Variants in RFTN2 observed in about 807,000 individuals in gnomAD.
RFTN2 encodes the protein raftlin-2.
A neutral mutation model predicts 52.7 loss-of-function variants in RFTN2; 34 were observed. The ratio of observed to expected loss-of-function variants is 0.64; its 90% CI spans 0.49 to 0.86. The LOEUF (loss-of-function observed/expected upper bound fraction) is 0.86, where lower values mean the gene tolerates loss of function less well. RFTN2 is among the 40% of genes least tolerant of loss of function. The probability of loss-of-function intolerance (pLI) is 0.00; values close to 1 mark genes in which losing one functional copy is unlikely to be tolerated. For missense variants in RFTN2, 536 were observed against 600.1 expected (o/e 0.89, Z 1.12); for synonymous variants, 203 against 217.7 (o/e 0.93, Z 0.59).
At chr2:197,577,598 G>A (rs1293587527) in intron 8 of RFTN2, among the ~76,000 whole-genome samples, 5 of 152,194 alleles carry the variant, frequency 3.3e-5, no homozygotes, top group South Asian at 2.1e-4. Context: ...CTTCAGATAC[G>A]GCTGATGAAC....
At chr2:197,576,971 C>T (rs1308877461) in intron 8 of RFTN2, among the ~76,000 whole-genome samples, 4 of 152,232 alleles carry the variant, frequency 2.6e-5, no homozygotes, top group Non-Finnish European at 4.4e-5. Context: ...AAATTTACCC[C>T]TCTGCTCACT....
chr2:197,600,172 T>A (rs116007901), intron 7 of RFTN2, among the ~76,000 whole-genome samples: 125 of 152,288 alleles, frequency 8.2e-4, no homozygotes, highest in African/African-American at 3.0e-3. Flanking sequence ...GCACGAGCTT[T>A]AAAACTGTTC....
intron 7 of RFTN2, among the ~76,000 whole-genome samples, chr2:197,614,943 C>A (rs998332070): frequency 6.6e-6 from 1 of 152,184 alleles, no homozygotes; most frequent in Non-Finnish European, 1.5e-5. Flanking sequence ...AATTGCTTTG[C>A]TTACTTCAAA....
Position 197,646,560 on chromosome 2 carries a change from A to T in RFTN2, c.246T>A (p.Val82=), listed in dbSNP as rs892725744. 12 of 1,613,852 alleles carry T rather than the reference A, an allele frequency of 7.4e-6. No individual in the cohort carries two copies. Among genetic ancestry groups the T allele is most frequent in the Non-Finnish European group, 1.0e-5 (12 of 1,179,722 alleles). The change falls in exon 2 of 9, where the codon GTT becomes GTA. Residue 82 remains valine, a synonymous_variant. Coordinates refer to ENST00000295049, the MANE Select transcript of RFTN2 (RefSeq NM_144629.3). ...GTTTTCGCTGCCCCACAGGTTGTAT[A>T]ACAGGATGAATAGCCCCGACAATAT... The part of the protein sequence containing the change: ...KGYIVGAIHP[V]IQPVGQRKHL...
chr2:197,643,045 A>G (rs2088697655), intron 3 of RFTN2, among the ~76,000 whole-genome samples: 1 of 152,130 alleles, frequency 6.6e-6, no homozygotes, highest in African/African-American at 2.4e-5. Context: ...ATTAATTACA[A>G]TGCCAGTTGT....
intron 1 of RFTN2, among the ~76,000 whole-genome samples, chr2:197,654,124 A>G (rs982371532): frequency 3.9e-5 from 6 of 152,222 alleles, no homozygotes; most frequent in Non-Finnish European, 8.8e-5. Context: ...ATGGTGGCTC[A>G]TGTCTGCAAT....
chr2:197,624,794 CT>C (rs2088327276), intron 5 of RFTN2, among the ~76,000 whole-genome samples: 1 of 151,746 alleles, frequency 6.6e-6, no homozygotes, highest in Non-Finnish European at 1.5e-5. Context: ...GATCCTGTCT[CT>C]AAAAAAATAG....
In RFTN2 at chr2:197,646,513, T is replaced by C; in HGVS notation, c.293A>G (p.Tyr98Cys). The C allele has an allele frequency of 6.2e-7, 1 of 1,614,154 alleles. No individual in the cohort carries two copies. Among genetic ancestry groups the C allele is most frequent in the Non-Finnish European group, 8.5e-7 (1 of 1,180,010 alleles). ...QRKHLPASYLYRVVLLRLKLS... is the reference protein window; with the variant it reads ...QRKHLPASYLCRVVLLRLKLS... ...TTTCAAGCGCAATAGCACCACTCTG[T>C]ATAGGTAACTTGCAGGTAGGTGTTT... Residue 98 changes from tyrosine to cysteine, a missense_variant, in exon 2 of 9, where the codon TAC becomes TGC. Physicochemically the swap from Tyr to Cys is radical, Grantham distance 194. Coordinates refer to ENST00000295049, the MANE Select transcript of RFTN2 (RefSeq NM_144629.3).
chr2:197,592,562 T>C (rs2087736163), intron 8 of RFTN2, among the ~76,000 whole-genome samples: 1 of 152,224 alleles, frequency 6.6e-6, no homozygotes, highest in South Asian at 2.1e-4. Flanking sequence ...TATTGTTTAA[T>C]GAAAACTCAT....
chr2:197,577,177 CTG>C (rs1457561187), intron 8 of RFTN2, among the ~76,000 whole-genome samples: 2 of 152,248 alleles, frequency 1.3e-5, no homozygotes, highest in South Asian at 2.1e-4. Context: ...TAAAACCAAA[CTG>C]TGCTCTGACA....
At position 197,569,467 on chromosome 2, in the gene RFTN2, C is replaced by T. The variant is rs1187592086; in HGVS notation, c.*2541G>A. On this transcript the variant is annotated 3_prime_UTR_variant, in exon 9 of 9. Coordinates refer to ENST00000295049, the MANE Select transcript of RFTN2 (RefSeq NM_144629.3). ...TAAATTATTCGCTATCATACAAATT[C>T]ATCACATAACTTAAGGGTAATTGTT... is the stretch of plus-strand genomic sequence containing the variant. 6.6e-6 allele frequency: 1 copy of T among 152,124 alleles called. No individual in the cohort carries two copies. The highest frequency in any genetic ancestry group is 2.4e-5 in the African/African-American group (1 of 41,410). The allele number at this position is 152,124 out of a possible 1,614,324, so 9.4% of individuals were successfully genotyped here.
intron 1 of RFTN2, among the ~76,000 whole-genome samples, chr2:197,658,090 A>T (rs2088918595): frequency 6.6e-6 from 1 of 151,642 alleles, no homozygotes; most frequent in Non-Finnish European, 1.5e-5. Context: ...CTTTGATTTG[A>T]TGTTCTTATG....
At chr2:197,645,027 C>G (rs2088728766) in intron 2 of RFTN2, among the ~76,000 whole-genome samples, 2 of 152,128 alleles carry the variant, frequency 1.3e-5, no homozygotes, top group African/African-American at 4.8e-5. Context: ...GCTTAGCCCT[C>G]TCTTAAAGTG....
At chr2:197,628,062 C>A (rs1178474702) in intron 5 of RFTN2, among the ~76,000 whole-genome samples, 1 of 151,998 alleles carries the variant, frequency 6.6e-6, no homozygotes, top group African/African-American at 2.4e-5. Flanking sequence ...CTGCCCCCAC[C>A]ACCCTCCCCA....
rs949366967 is a variant in RFTN2 at position 197,575,454 on chromosome 2, G to A, written c.1234-3174C>T. Among the ~76,000 whole-genome samples, 5 of 152,178 alleles carry A rather than the reference G, an allele frequency of 3.3e-5. No individual in the cohort carries two copies. The East Asian group carries it at 9.6e-4, about 29-fold the overall frequency. On this transcript the variant is annotated intron_variant, in intron 8 of 8. Coordinates refer to ENST00000295049, the MANE Select transcript of RFTN2 (RefSeq NM_144629.3). The stretch of plus-strand genomic sequence containing the variant: ...CTGCAAACTGCTTCTGCCTTACACA[G>A]TATAAATGCTCAACAATTCAATCCA...
In RFTN2 at chr2:197,629,675, T is replaced by TACACACACACACACACAC. The variant is rs60384360; in HGVS notation, c.928+1318_928+1335dup. Among the ~76,000 whole-genome samples the TACACACACACACACACAC allele has an allele frequency of 3.3e-3, 487 of 146,594 alleles. 3 individuals carry two copies. Among genetic ancestry groups the TACACACACACACACACAC allele is most frequent in the East Asian group, 0.022 (110 of 5,028 alleles). ...TATGAAGAAATATTTTTAATTTTTA[T>TACACACACACACACACAC]ACACACACACACACACACACACACA... On this transcript the variant is annotated intron_variant, in intron 5 of 8. Coordinates refer to ENST00000295049, the MANE Select transcript of RFTN2 (RefSeq NM_144629.3).
At position 197,569,392 on chromosome 2, in the gene RFTN2, G is replaced by C. The variant is rs2087281090; in HGVS notation, c.*2616C>G. The C allele has an allele frequency of 6.6e-6, 1 of 151,920 alleles. No homozygotes were observed. Among genetic ancestry groups the C allele is most frequent in the African/African-American group, 2.4e-5 (1 of 41,320 alleles). The allele number at this position is 151,920 out of a possible 1,614,324, so 9.4% of individuals were successfully genotyped here. ...GTTTTTTTCTTTTTTTAAAATAATA[G>C]GCTCATAGCTATTTACACACATTTA... On this transcript the variant is annotated 3_prime_UTR_variant, in exon 9 of 9. Transcript: ENST00000295049.
chr2:197,633,647 T>TA (rs556119208), intron 4 of RFTN2, 71 bp downstream of exon 4: 303 of 1,248,052 alleles, frequency 2.4e-4, no homozygotes, highest in Non-Finnish European at 2.9e-4. Flanking sequence ...CTCATATTTC[T>TA]AAAAAAAACC....
intron 5 of RFTN2, among the ~76,000 whole-genome samples, chr2:197,629,603 A>T (rs971201581): frequency 2.0e-5 from 3 of 152,022 alleles, no homozygotes; most frequent in Non-Finnish European, 2.9e-5. Context: ...ATAATAATAA[A>T]AAATAAATAA....
Sources: allele counts gnomAD v4.1 joint callset (sites outside exome capture counted in the v4.1 genomes callset), GRCh38; gene constraint gnomAD v4.1.1; transcripts MANE v1.5; gene names NCBI Gene and HGNC (gene_info 2026-07-23, HGNC 2026-07-21).